The following ANK3 variants were observed in gnomAD, a reference collection of about 807,000 sequenced individuals.
ANK3 encodes ankyrin 3.
Under a neutral mutation model 370.9 loss-of-function variants are expected in ANK3, and 57 were observed. The ratio of observed to expected loss-of-function variants is 0.15; its 90% CI spans 0.12 to 0.19. The LOEUF is 0.19. ANK3 is among the 10% of genes least tolerant of loss of function. The probability of loss-of-function intolerance (pLI) is 1.00; values close to 1 mark genes in which losing one functional copy is unlikely to be tolerated. For missense variants in ANK3, 4,439 were observed against 5,302.1 expected (o/e 0.84, Z 5.06); for synonymous variants, 1,929 against 1,946.3 (o/e 0.99, Z 0.23).
chr10:60,676,550 T>G (rs2079127937), intron 1 of ANK3, among the ~76,000 whole-genome samples: 1 of 152,322 alleles, frequency 6.6e-6, no homozygotes, highest in East Asian at 1.9e-4. Flanking sequence ...TCATCAATTA[T>G]AAAACACTAA....
rs573847666 is a variant in ANK3 at position 60,177,430 on chromosome 10, T to C, written c.2184+3899A>G. On this transcript the variant is annotated intron_variant, in intron 18 of 43. Coordinates refer to ENST00000280772, the MANE Select transcript of ANK3 (RefSeq NM_020987.5). Reference sequence around the variant, plus strand: ...GTAATCTACAATTCAACACACCCAATAGGAAACTCATAGTCCTCTTTCCCC... The same window carrying C: ...GTAATCTACAATTCAACACACCCAACAGGAAACTCATAGTCCTCTTTCCCC... 1.4e-4 allele frequency among the ~76,000 whole-genome samples: 22 copies of C among 152,222 alleles called. No individual in the cohort carries two copies. In the East Asian group the frequency reaches 3.3e-3, roughly 23 times the overall value.
chr10:60,287,827 T>C lies in ANK3; in HGVS notation c.115-8188A>G, dbSNP rs190786751. Reference sequence around the variant, plus strand: ...AGTTTAGAACCACTGAGATCAAGGGTAGGGCTCACTGAGCAGAGTTGTGTG... The same window carrying C: ...AGTTTAGAACCACTGAGATCAAGGGCAGGGCTCACTGAGCAGAGTTGTGTG... On this transcript the variant is annotated intron_variant, in intron 1 of 43. Coordinates refer to ENST00000280772, the MANE Select transcript of ANK3 (RefSeq NM_020987.5). 2.5e-4 allele frequency among the ~76,000 whole-genome samples: 38 copies of C among 152,284 alleles called. 1 individual carries two copies. Among genetic ancestry groups the C allele is most frequent in the Admixed American group, 2.3e-3 (35 of 15,298 alleles).
At chr10:60,235,876 T>C (rs2132540873) in intron 7 of ANK3, among the ~76,000 whole-genome samples, 1 of 152,302 alleles carries the variant, frequency 6.6e-6, no homozygotes, top group Admixed American at 6.5e-5. Flanking sequence ...TGCTAAACTC[T>C]TTACTACTTC....
At chr10:60,414,075 A>G (rs2063612801) in intron 2 of ANK3, among the ~76,000 whole-genome samples, 1 of 152,200 alleles carries the variant, frequency 6.6e-6, no homozygotes, top group African/African-American at 2.4e-5. Context: ...GGAAATATTG[A>G]TATTACAATA....
intron 2 of ANK3, among the ~76,000 whole-genome samples, chr10:60,545,231 CA>C (rs1448538350): frequency 6.6e-6 from 1 of 151,530 alleles, no homozygotes; most frequent in Non-Finnish European, 1.5e-5. Context: ...AGATGGAAGC[CA>C]AATCATACAA....
At chr10:60,710,367 T>G (rs1035492774) in intron 1 of ANK3, among the ~76,000 whole-genome samples, 1 of 152,154 alleles carries the variant, frequency 6.6e-6, no homozygotes, top group Non-Finnish European at 1.5e-5. Flanking sequence ...TTACAGTTGT[T>G]TACCTTTCTC....
intron 36 of ANK3, 155 bp from the exon 37 acceptor site, chr10:60,076,603 G>A: frequency 1.0e-6 from 1 of 981,830 alleles, no homozygotes. Context: ...GAGGCAAAAG[G>A]AACAATTAAG....
chr10:60,149,212 T>C (rs1242346666), intron 23 of ANK3, among the ~76,000 whole-genome samples: 2 of 152,206 alleles, frequency 1.3e-5, no homozygotes, highest in African/African-American at 4.8e-5. Flanking sequence ...ACTGGGGTTC[T>C]GACTCACCCC....
intron 1 of ANK3, among the ~76,000 whole-genome samples, chr10:60,680,004 G>GGGCA (rs2079173382): frequency 6.6e-6 from 1 of 151,572 alleles, no homozygotes; most frequent in Non-Finnish European, 1.5e-5. Flanking sequence ...GCGTGGTGGT[G>GGGCA]GGCACCTGCA....
rs370783050 is a variant in ANK3 at position 60,068,771 on chromosome 10, G to A, written c.12110C>T (p.Ser4037Leu). Residue 4037 changes from serine (S) to leucine (L), a missense_variant, in exon 37 of 44, where the codon TCG becomes TTG. Ser to Leu is a moderately radical substitution (Grantham distance 145). Transcript: ENST00000280772. ...DEEESTSRNTSLSETSRGGQP... is the reference protein window; with the variant it reads ...DEEESTSRNTLLSETSRGGQP... ...GCCACCCCGGGAAGTCTCGGACAAC[G>A]ACGTGTTTCTTGAGGTACTTTCTTC... is the stretch of plus-strand genomic sequence containing the variant. 1.4e-5 allele frequency: 23 copies of A among 1,614,082 alleles called. No individual in the cohort carries two copies. The highest frequency in any genetic ancestry group is 2.7e-5 in the African/African-American group (2 of 74,940).
intron 8 of ANK3, among the ~76,000 whole-genome samples, chr10:60,224,935 A>G (rs1249567895): frequency 7.7e-6 from 1 of 130,026 alleles, no homozygotes; most frequent in African/African-American, 2.9e-5. Flanking sequence ...TTTTTTTTTG[A>G]GACAAAGTCT....
intron 2 of ANK3, among the ~76,000 whole-genome samples, chr10:60,592,498 G>C (rs943613794): frequency 2.0e-5 from 3 of 152,172 alleles, no homozygotes; most frequent in African/African-American, 7.2e-5. Context: ...GGTAGCTCAC[G>C]CCTGTAATCC....
intron 1 of ANK3, among the ~76,000 whole-genome samples, chr10:60,704,559 T>C (rs944814931): frequency 3.3e-5 from 5 of 151,962 alleles, no homozygotes; most frequent in Non-Finnish European, 5.9e-5. Flanking sequence ...CAATAGATAA[T>C]GGGGGTGACG....
intron 23 of ANK3, among the ~76,000 whole-genome samples, chr10:60,141,567 T>TG (rs1554993235): frequency 0.03 from 1,606 of 53,650 alleles, 50 homozygotes; most frequent in African/African-American, 0.07. Flanking sequence ...TGCTGTTTTT[T>TG]TTTTTTTTTT....
At chr10:60,642,661 G>C (rs2078652174) in intron 1 of ANK3, among the ~76,000 whole-genome samples, 1 of 152,010 alleles carries the variant, frequency 6.6e-6, no homozygotes, top group African/African-American at 2.4e-5. Flanking sequence ...ATAGCATTAG[G>C]AGATATACCT....
chr10:60,502,516 G>A (rs2075826766), intron 2 of ANK3, among the ~76,000 whole-genome samples: 1 of 152,088 alleles, frequency 6.6e-6, no homozygotes, highest in African/African-American at 2.4e-5. Flanking sequence ...AGAATATCTG[G>A]CATTAAAGAA....
In ANK3 at chr10:60,085,171, G is replaced by C; in HGVS notation, c.3831C>G (p.Thr1277=). The change falls in exon 31 of 44, where the codon ACC becomes ACG. Residue 1277 remains threonine (T), a synonymous_variant. Coordinates refer to ENST00000280772, the MANE Select transcript of ANK3 (RefSeq NM_020987.5). ...TFIKDCVSFT[T]NVSARFWLAD... ...TATTTCCATACCTGGCTGAAACATT[G>C]GTTGTAAAGGAGACACAATCTTTTA... 6.2e-7 allele frequency: 1 copy of C among 1,610,334 alleles called. No individual in the cohort carries two copies. The highest frequency in any genetic ancestry group is 8.5e-7 in the Non-Finnish European group (1 of 1,178,372).
At chr10:60,570,615 C>T (rs1010622381) in intron 2 of ANK3, among the ~76,000 whole-genome samples, 1 of 152,130 alleles carries the variant, frequency 6.6e-6, no homozygotes, top group African/African-American at 2.4e-5. Context: ...TGGAGAGCTT[C>T]AGGCCCTATG....
At position 60,389,808 on chromosome 10, in the gene ANK3, G is replaced by C; in HGVS notation, c.-270C>G. 4 of 1,237,280 alleles carry C rather than the reference G, an allele frequency of 3.2e-6. No homozygotes were observed. Among genetic ancestry groups the C allele is most frequent in the Non-Finnish European group, 4.1e-6 (4 of 985,800 alleles). 76.6% of individuals were successfully genotyped at this position (1,237,280 alleles called of 1,614,324 possible). A position where few individuals can be genotyped will look rare whatever the true frequency, so the allele number is the denominator to read the frequency against. On this transcript the variant is annotated 5_prime_UTR_variant, in exon 1 of 44. Coordinates refer to ENST00000280772, the MANE Select transcript of ANK3 (RefSeq NM_020987.5). The stretch of plus-strand genomic sequence containing the variant: ...ATCGTAATGCATTTACCGTAGTGAA[G>C]AAGACAGCTGGGACAGAGGAAGCTG...
Sources: allele counts gnomAD v4.1 joint callset (sites outside exome capture counted in the v4.1 genomes callset), GRCh38; gene constraint gnomAD v4.1.1; transcripts MANE v1.5; gene names NCBI Gene and HGNC (gene_info 2026-07-23, HGNC 2026-07-21).